Variants in MMP20 observed in about 807,000 individuals in gnomAD.
The protein encoded by MMP20 is matrix metallopeptidase 20.
A neutral mutation model predicts 51.8 loss-of-function variants in MMP20; 50 were observed. The ratio of observed to expected loss-of-function variants is 0.97; its 90% CI spans 0.77 to 1.22. The LOEUF is 1.22. Among genes scored for constraint, MMP20 ranks in the 50% most tolerant of loss-of-function variants. The probability of loss-of-function intolerance (pLI) is 0.00; values close to 1 mark genes in which losing one functional copy is unlikely to be tolerated. For synonymous variants in MMP20, 244 were observed against 216.2 expected, an observed-to-expected ratio of 1.13 and a Z score of -1.13; for missense variants, 663 against 601.4, an observed-to-expected ratio of 1.10 and a Z score of -1.07.
intron 8 of MMP20, among the ~76,000 whole-genome samples, chr11:102,590,707 A>G (rs963501085): frequency 2.0e-5 from 3 of 152,244 alleles, no homozygotes; most frequent in African/African-American, 7.2e-5. Flanking sequence ...ATGTCAATGT[A>G]GTGAAATTCT....
intron 3 of MMP20, among the ~76,000 whole-genome samples, chr11:102,610,860 T>G (rs984772833): frequency 6.6e-6 from 1 of 152,040 alleles, no homozygotes; most frequent in Non-Finnish European, 1.5e-5. Flanking sequence ...GAGGACTTCA[T>G]GCAATGGCAG....
At chr11:102,586,324 C>G (rs1445914742) in intron 8 of MMP20, among the ~76,000 whole-genome samples, 1 of 151,968 alleles carries the variant, frequency 6.6e-6, no homozygotes, top group African/African-American at 2.4e-5. Context: ...AATATCTTTT[C>G]TTATTGTAGG....
At chr11:102,590,996 A>G (rs1454786389) in intron 8 of MMP20, among the ~76,000 whole-genome samples, 1 of 152,264 alleles carries the variant, frequency 6.6e-6, no homozygotes, top group African/African-American at 2.4e-5. Flanking sequence ...CTTTTTACAC[A>G]TATGAGAAAA....
intron 1 of MMP20, 101 bp from the exon 2 acceptor site, chr11:102,617,160 G>A: frequency 7.2e-7 from 1 of 1,389,498 alleles, no homozygotes; most frequent in South Asian, 1.2e-5. Context: ...TAAAAGCAGT[G>A]TGTAGAGTAT....
intron 7 of MMP20, among the ~76,000 whole-genome samples, chr11:102,594,106 T>C (rs1002988491): frequency 6.6e-6 from 1 of 152,168 alleles, no homozygotes; most frequent in Non-Finnish European, 1.5e-5. Flanking sequence ...GAGGAAGAAA[T>C]GGAGCTCAGA....
At chr11:102,596,393 C>G (rs1051231217) in intron 6 of MMP20, among the ~76,000 whole-genome samples, 2 of 152,284 alleles carry the variant, frequency 1.3e-5, no homozygotes, top group East Asian at 3.9e-4. Flanking sequence ...CTCTCCAAGC[C>G]TCAGTTTAAT....
At chr11:102,618,165 T>A (rs1055612069) in intron 1 of MMP20, among the ~76,000 whole-genome samples, 5 of 152,200 alleles carry the variant, frequency 3.3e-5, no homozygotes, top group Non-Finnish European at 7.3e-5. Context: ...ATGTCTGTTT[T>A]GAACATGTCT....
rs987986309 is a variant in MMP20 at position 102,610,124 on chromosome 11, A to T, written c.524-94T>A. On this transcript the variant is annotated intron_variant, in intron 3 of 9. Transcript: ENST00000260228. ...ACAGAAAAGGGACATTTTGAGTAGC[A>T]TTGACACTTAAATTCACTTTTCAGT... 16 of 1,353,594 alleles carry T rather than the reference A, an allele frequency of 1.2e-5. No individual in the cohort carries two copies. The African/African-American group carries it at 1.6e-4, about 13-fold the overall frequency. 83.8% of individuals were successfully genotyped at this position (1,353,594 alleles called of 1,614,324 possible).
intron 2 of MMP20, among the ~76,000 whole-genome samples, chr11:102,613,848 G>A (rs186990733): frequency 3.3e-5 from 5 of 152,294 alleles, no homozygotes; most frequent in African/African-American, 1.2e-4. Context: ...ATATGAGTCT[G>A]CAATTTATCA....
At position 102,612,326 on chromosome 11, in the gene MMP20, G is replaced by A. The variant is rs187176326; in HGVS notation, c.375-423C>T. 1.8e-4 allele frequency among the ~76,000 whole-genome samples: 27 copies of A among 152,316 alleles called. No individual in the cohort carries two copies. The South Asian group carries it at 2.9e-3, about 16-fold the overall frequency. On this transcript the variant is annotated intron_variant, in intron 2 of 9. Coordinates refer to ENST00000260228, the MANE Select transcript of MMP20 (RefSeq NM_004771.4). ...CTAAAAATACAAAAATTAGCTGGGC[G>A]TGGTGGTGCAAACCTGTAGTCCCAG... is the stretch of plus-strand genomic sequence containing the variant.
chr11:102,592,041 T>C (rs1241898612), intron 8 of MMP20, among the ~76,000 whole-genome samples: 2 of 152,200 alleles, frequency 1.3e-5, no homozygotes, highest in African/African-American at 4.8e-5. Flanking sequence ...ATAAACGCCC[T>C]CATACTCCAA....
chr11:102,609,189 A>G, intron 4 of MMP20, 91 bp from the exon 5 acceptor site: 3 of 1,148,214 alleles, frequency 2.6e-6, no homozygotes, highest in Non-Finnish European at 3.8e-6. Flanking sequence ...TGCCCACATT[A>G]CAGTTAACCC....
At chr11:102,609,812 G>A in intron 4 of MMP20, 93 bp downstream of exon 4, 1 of 1,572,382 alleles carries the variant, frequency 6.4e-7, no homozygotes, top group South Asian at 1.1e-5. Flanking sequence ...CCTAGTTAAA[G>A]GGTGGCTTGG....
rs1479102630 is a variant in MMP20 at position 102,601,398 on chromosome 11, C to T, written c.953+5137G>A. On this transcript the variant is annotated intron_variant, in intron 6 of 9. Transcript: ENST00000260228. ...CCGCCCGCCTCGGCCTCCCAAAGTG[C>T]TGGGATTACAGGCGTGAGCCACCGC... is the stretch of plus-strand genomic sequence containing the variant. Among the ~76,000 whole-genome samples, 2 of 149,446 alleles carry T rather than the reference C, an allele frequency of 1.3e-5. 1 individual carries two copies. Among genetic ancestry groups the T allele is most frequent in the Non-Finnish European group, 3.0e-5 (2 of 67,286 alleles).
intron 3 of MMP20, among the ~76,000 whole-genome samples, chr11:102,611,143 G>T (rs1859593863): frequency 6.6e-6 from 1 of 152,198 alleles, no homozygotes; most frequent in East Asian, 1.9e-4. Context: ...AGTGACATCA[G>T]ATTAAAATTA....
intron 6 of MMP20, among the ~76,000 whole-genome samples, chr11:102,600,725 G>C (rs1173682915): frequency 6.6e-6 from 1 of 152,052 alleles, no homozygotes; most frequent in African/African-American, 2.4e-5. Flanking sequence ...GACCTCCAGT[G>C]ATCCACTCGC....
chr11:102,588,532 T>C (rs1327973401), intron 8 of MMP20, among the ~76,000 whole-genome samples: 1 of 152,220 alleles, frequency 6.6e-6, no homozygotes, highest in Non-Finnish European at 1.5e-5. Context: ...TATTGACAAG[T>C]ATATTTCTAC....
At chr11:102,595,556 T>A (rs1363095553) in intron 6 of MMP20, among the ~76,000 whole-genome samples, 1 of 152,360 alleles carries the variant, frequency 6.6e-6, no homozygotes, top group East Asian at 1.9e-4. Flanking sequence ...GGTTGAGTCA[T>A]GCTGATTAGA....
intron 1 of MMP20, among the ~76,000 whole-genome samples, chr11:102,624,245 G>A (rs1459209889): frequency 1.3e-5 from 2 of 152,166 alleles, no homozygotes; most frequent in South Asian, 2.1e-4. Flanking sequence ...GATCACAGAT[G>A]TGCTGTAATG....
Sources: gnomAD v4.1 joint callset for allele counts (sites outside exome capture counted in the v4.1 genomes callset) on GRCh38, gnomAD v4.1.1 for gene constraint, MANE v1.5 for transcripts, NCBI Gene and HGNC (gene_info 2026-07-23, HGNC 2026-07-21) for gene names.